The following CCDC180 variants were observed in gnomAD, a reference collection of about 807,000 sequenced individuals.
CCDC180 encodes coiled-coil domain containing 180.
In CCDC180, 154 loss-of-function variants were observed where a neutral mutation model predicts 209.2. That is an observed-to-expected ratio of 0.74 (90% CI 0.65 to 0.84). The LOEUF (loss-of-function observed/expected upper bound fraction) is 0.84, where lower values mean the gene tolerates loss of function less well. CCDC180 is among the 40% of genes least tolerant of loss of function. The probability of loss-of-function intolerance (pLI) is 0.00; values close to 1 mark genes in which losing one functional copy is unlikely to be tolerated. For missense variants in CCDC180, 1,874 were observed against 1,997.3 expected, an observed-to-expected ratio of 0.94 and a Z score of 1.18; for synonymous variants, 778 against 749.1, an observed-to-expected ratio of 1.04 and a Z score of -0.63.
At chr9:97,314,597 G>C in intron 6 of CCDC180, 21 bp from the exon 7 acceptor site, 3 of 1,613,912 alleles carry the variant, frequency 1.9e-6, no homozygotes, top group African/African-American at 1.3e-5. Context: ...CTCCTAGCCT[G>C]ACCCAAACTT....
chr9:97,369,564 C>T (rs1476929319), intron 31 of CCDC180: 1 of 192,310 alleles, frequency 5.2e-6, no homozygotes, highest in Non-Finnish European at 1.1e-5. Flanking sequence ...TTAAGCAATC[C>T]TCCCACTTCA....
chr9:97,343,649 C>A, intron 19 of CCDC180, 86 bp downstream of exon 19: 2 of 1,027,558 alleles, frequency 1.9e-6, no homozygotes, highest in Non-Finnish European at 2.8e-6. Context: ...AAGGATTGGG[C>A]TGGTATCAGT....
In CCDC180 at chr9:97,371,710, AG is replaced by A; in HGVS notation, c.4600+5del. 3 of 1,577,546 alleles carry A rather than the reference AG, an allele frequency of 1.9e-6. No individual in the cohort carries two copies. The highest frequency in any genetic ancestry group is 2.6e-6 in the Non-Finnish European group (3 of 1,150,406). On this transcript the variant is annotated splice_donor_5th_base_variant and intron_variant, in intron 34 of 36. Coordinates refer to ENST00000529487, the MANE Select transcript of CCDC180 (RefSeq NM_020893.6). ...ATTGACGATGTCCAGGTTGCAAGTA[AG>A]AGGCACCACCAGCCTTGTGTCATGG...
In CCDC180 at chr9:97,378,742, C is replaced by A; in HGVS notation, c.*1848C>A. On this transcript the variant is annotated 3_prime_UTR_variant, in exon 37 of 37. Coordinates refer to ENST00000529487, the MANE Select transcript of CCDC180 (RefSeq NM_020893.6). Reference sequence around the variant, plus strand: ...TCCCACATTAGCTCTTTGTACACATCTGTAATCATTCCTTAATCAGAGGGT... The same window carrying A: ...TCCCACATTAGCTCTTTGTACACATATGTAATCATTCCTTAATCAGAGGGT... Among the ~76,000 whole-genome samples, 1 of 152,188 alleles carries A rather than the reference C, an allele frequency of 6.6e-6. No individual in the cohort carries two copies. The highest frequency in any genetic ancestry group is 1.5e-5 in the Non-Finnish European group (1 of 68,038).
At position 97,307,717 on chromosome 9, in the gene CCDC180, G is replaced by A; in HGVS notation, c.-171G>A. 1 of 1,612,754 alleles carries A rather than the reference G, an allele frequency of 6.2e-7. No homozygotes were observed. Among genetic ancestry groups the A allele is most frequent in the Non-Finnish European group, 8.5e-7 (1 of 1,178,782 alleles). The stretch of plus-strand genomic sequence containing the variant: ...AGAGTGAAGCACAAGCAATAATCCT[G>A]TATTATTCGCGTTCCCAGAGTCCCT... On this transcript the variant is annotated 5_prime_UTR_variant, in exon 1 of 37. Transcript: ENST00000529487.
chr9:97,354,624 C>A lies in CCDC180; in HGVS notation c.3058C>A (p.Arg1020=). ...SPKEINSLCS[R]LEKEAARIEL... ...TAAAGAAATCAATTCACTGTGTTCC[C>A]GACTGGAGAAGGAAGCTGCCCGGAT... Residue 1020 remains arginine (R), a synonymous_variant, in exon 23 of 37, where the codon CGA becomes AGA. Coordinates refer to ENST00000529487, the MANE Select transcript of CCDC180 (RefSeq NM_020893.6). The A allele has an allele frequency of 6.2e-7, 1 of 1,614,156 alleles. No homozygotes were observed. Among genetic ancestry groups the A allele is most frequent in the East Asian group, 2.2e-5 (1 of 44,884 alleles).
At chr9:97,342,402 C>G (rs1048547397) in intron 18 of CCDC180, among the ~76,000 whole-genome samples, 1 of 152,160 alleles carries the variant, frequency 6.6e-6, no homozygotes, top group African/African-American at 2.4e-5. Context: ...GATCTGCCGC[C>G]TCAGCCTCCC....
chr9:97,334,626 T>A (rs1242324230), intron 18 of CCDC180, among the ~76,000 whole-genome samples: 1 of 152,226 alleles, frequency 6.6e-6, no homozygotes, highest in African/African-American at 2.4e-5. Flanking sequence ...AATATTAAGT[T>A]GCATTTTTGC....
At chr9:97,320,005 C>T in intron 10 of CCDC180, 121 bp from the exon 11 acceptor site, 1 of 782,632 alleles carries the variant, frequency 1.3e-6, no homozygotes, top group Non-Finnish European at 2.3e-6. Context: ...CAGCAGTTCC[C>T]TTTGTTCTTC....
At chr9:97,371,448 G>A in intron 33 of CCDC180, 147 bp from the exon 34 acceptor site, 1 of 490,490 alleles carries the variant, frequency 2.0e-6, no homozygotes, top group Non-Finnish European at 3.7e-6. Flanking sequence ...CCTCCTGGCT[G>A]AGGGCCAGAT....
At chr9:97,311,980 A>G (rs979584412) in intron 3 of CCDC180, 133 bp from the exon 4 acceptor site, 16 of 726,168 alleles carry the variant, frequency 2.2e-5, no homozygotes, top group African/African-American at 8.8e-5. Flanking sequence ...GCTCTCTGGA[A>G]TTGGGGTGTG....
chr9:97,335,029 G>A (rs1471072057), intron 18 of CCDC180, among the ~76,000 whole-genome samples: 2 of 152,006 alleles, frequency 1.3e-5, no homozygotes, highest in African/African-American at 2.4e-5. Context: ...TTAAATCTCA[G>A]CTTATGTAAT....
chr9:97,308,122 TC>T lies in CCDC180; in HGVS notation c.61del (p.Gln21ArgfsTer22). 1 of 1,604,846 alleles carries T rather than the reference TC, an allele frequency of 6.2e-7. No individual in the cohort carries two copies. Among genetic ancestry groups the T allele is most frequent in the Non-Finnish European group, 8.5e-7 (1 of 1,175,714 alleles). ...AATGGGAAAGCCTACCAGCAGATCT[TC>T]CAGGCTGAGGTAGGAGCCGCCCTCT... is the stretch of plus-strand genomic sequence containing the variant. ...VPNGKAYQQIFQAEVQLVHSL... is the reference protein window; with the variant it reads ...VPNGKAYQQIXQAEVQLVHSL... On this transcript the variant is annotated frameshift_variant, in exon 2 of 37. Coordinates refer to ENST00000529487, the MANE Select transcript of CCDC180 (RefSeq NM_020893.6). LOFTEE classifies it high-confidence loss of function.
chr9:97,332,229 G>A (rs907249315), intron 18 of CCDC180, among the ~76,000 whole-genome samples: 5 of 152,024 alleles, frequency 3.3e-5, no homozygotes, highest in African/African-American at 9.7e-5. Context: ...ATTGGTCTGT[G>A]TGTCTGTTTT....
At chr9:97,360,667 TC>T (rs1587828668) in intron 26 of CCDC180, among the ~76,000 whole-genome samples, 1 of 151,994 alleles carries the variant, frequency 6.6e-6, no homozygotes, top group East Asian at 1.9e-4. Flanking sequence ...TCCCTCTCAC[TC>T]CGCCTAAGAT....
intron 18 of CCDC180, among the ~76,000 whole-genome samples, chr9:97,335,681 G>T (rs1164468383): frequency 6.6e-6 from 1 of 152,150 alleles, no homozygotes; most frequent in Non-Finnish European, 1.5e-5. Flanking sequence ...ATAATCCTTT[G>T]AGTATATACC....
chr9:97,350,676 A>G, intron 22 of CCDC180, 121 bp downstream of exon 22: 1 of 1,101,338 alleles, frequency 9.1e-7, no homozygotes, highest in Non-Finnish European at 1.3e-6. Flanking sequence ...TTAACATCTT[A>G]ACCATTTTTA....
Position 97,357,722 on chromosome 9 carries a change from A to G in CCDC180, c.3360A>G (p.Lys1120=). ...IKTCQESRGE[K]TTVTTEELLS... The stretch of plus-strand genomic sequence containing the variant: ...CTTGTCAAGAGTCCAGGGGAGAGAA[A>G]ACCGTAAGTGTTCAATAGATTCTGC... The change falls in exon 25 of 37, where the codon AAA becomes AAG. Residue 1120 remains lysine, a synonymous_variant. Transcript: ENST00000529487. 6.2e-7 allele frequency: 1 copy of G among 1,600,096 alleles called. No homozygotes were observed. Among genetic ancestry groups the G allele is most frequent in the South Asian group, 1.1e-5 (1 of 89,596 alleles).
chr9:97,377,170 C>A lies in CCDC180; in HGVS notation c.*276C>A, dbSNP rs543555036. On this transcript the variant is annotated 3_prime_UTR_variant, in exon 37 of 37. Coordinates refer to ENST00000529487, the MANE Select transcript of CCDC180 (RefSeq NM_020893.6). Reference sequence around the variant, plus strand: ...CAGTCACTTCAAATAGGCACCAGAGCTTCAAAGGACATCACCTCCAAACAG... The same window carrying A: ...CAGTCACTTCAAATAGGCACCAGAGATTCAAAGGACATCACCTCCAAACAG... 6 of 266,178 alleles carry A rather than the reference C, an allele frequency of 2.3e-5. No homozygotes were observed. The highest frequency in any genetic ancestry group is 1.3e-4 in the African/African-American group (6 of 45,784). The allele number at this position is 266,178 out of a possible 1,614,324, so 16.5% of individuals were successfully genotyped here. A position where few individuals can be genotyped will look rare whatever the true frequency, so the allele number is the denominator to read the frequency against.
Sources: allele counts gnomAD v4.1 joint callset (sites outside exome capture counted in the v4.1 genomes callset), GRCh38; gene constraint gnomAD v4.1.1; transcripts MANE v1.5; gene names NCBI Gene and HGNC (gene_info 2026-07-23, HGNC 2026-07-21).